AK5: variants seen among roughly 807,000 people sequenced by gnomAD.
AK5 encodes the protein adenylate kinase isoenzyme 5.
In AK5, 27 loss-of-function variants were observed where a neutral mutation model predicts 69.5. The observed-to-expected ratio is 0.39, with a 90% CI of 0.29 to 0.54. The LOEUF (loss-of-function observed/expected upper bound fraction) is 0.54. AK5 is among the 20% of genes least tolerant of loss of function. The pLI is 0.71. For synonymous variants in AK5, 260 were observed against 244.4 expected, an observed-to-expected ratio of 1.06 and a Z score of -0.60; for missense variants, 531 against 700.4, an observed-to-expected ratio of 0.76 and a Z score of 2.73.
chr1:77,497,795 T>C (rs1439871404), intron 10 of AK5, among the ~76,000 whole-genome samples: 1 of 152,158 alleles, frequency 6.6e-6, no homozygotes, highest in Non-Finnish European at 1.5e-5. Flanking sequence ...TTGCCCAGGC[T>C]GGTTTTGAAC....
At chr1:77,366,497 G>C (rs1405011425) in intron 6 of AK5, among the ~76,000 whole-genome samples, 2 of 152,262 alleles carry the variant, frequency 1.3e-5, no homozygotes, top group East Asian at 3.9e-4. Flanking sequence ...GTGAGTGATA[G>C]ATCCAGAATT....
chr1:77,326,762 T>C (rs1570384227), intron 5 of AK5, among the ~76,000 whole-genome samples: 1 of 152,346 alleles, frequency 6.6e-6, no homozygotes, highest in East Asian at 1.9e-4. Flanking sequence ...AATCCAGTTG[T>C]CCAAAGTAGG....
chr1:77,539,307 A>G (rs911864514), intron 13 of AK5, among the ~76,000 whole-genome samples: 1 of 152,202 alleles, frequency 6.6e-6, no homozygotes, highest in Non-Finnish European at 1.5e-5. Flanking sequence ...CATCTCTTCA[A>G]CTTCCCCTGC....
chr1:77,428,755 C>A (rs59193795), intron 8 of AK5, among the ~76,000 whole-genome samples: 10,023 of 152,088 alleles, frequency 0.066, 487 homozygotes, highest in East Asian at 0.19. Flanking sequence ...CCTACCCCCT[C>A]CCCTCACCCC....
chr1:77,327,454 G>A (rs1660863799), intron 5 of AK5, among the ~76,000 whole-genome samples: 1 of 151,318 alleles, frequency 6.6e-6, no homozygotes, highest in African/African-American at 2.4e-5. Context: ...TTAACAACAT[G>A]CTGAAGAAAA....
chr1:77,467,717 C>A (rs2100688816), intron 8 of AK5, among the ~76,000 whole-genome samples: 1 of 152,282 alleles, frequency 6.6e-6, no homozygotes, highest in South Asian at 2.1e-4. Flanking sequence ...TGATTCCAGC[C>A]TATGAAATAT....
chr1:77,423,239 AAAG>A (rs938359885), intron 8 of AK5, among the ~76,000 whole-genome samples: 1 of 148,370 alleles, frequency 6.7e-6, no homozygotes, highest in Non-Finnish European at 1.5e-5. Flanking sequence ...AATAAAAAAA[AAAG>A]AAGAACTACT....
rs558492071 is a variant in AK5, at chr1:77,363,687, C to G, written c.891+23119C>G. 1.3e-4 allele frequency among the ~76,000 whole-genome samples: 20 copies of G among 152,244 alleles called. No individual in the cohort carries two copies. The South Asian group carries it at 3.1e-3, about 24-fold the overall frequency. On this transcript the variant is annotated intron_variant, in intron 6 of 13. Coordinates refer to ENST00000354567, the MANE Select transcript of AK5 (RefSeq NM_174858.3). The stretch of plus-strand genomic sequence containing the variant: ...TTAGAGGCCCCATGCACAATTCCAC[C>G]TCAGGGCCTTTTGCTGTTTCCCTCT...
At chr1:77,447,122 T>C (rs1264284352) in intron 8 of AK5, among the ~76,000 whole-genome samples, 1 of 152,252 alleles carries the variant, frequency 6.6e-6, no homozygotes, top group Non-Finnish European at 1.5e-5. Flanking sequence ...TAAAAATACT[T>C]GCCACAGTTG....
chr1:77,328,196 A>G (rs867511952), intron 5 of AK5, among the ~76,000 whole-genome samples: 2 of 152,192 alleles, frequency 1.3e-5, no homozygotes, highest in Non-Finnish European at 2.9e-5. Context: ...TCAACCTGGT[A>G]TATACTATTC....
intron 12 of AK5, among the ~76,000 whole-genome samples, chr1:77,531,334 G>A (rs1279161298): frequency 1.3e-5 from 2 of 152,224 alleles, no homozygotes; most frequent in Admixed American, 6.5e-5. Context: ...TGCCACTGCA[G>A]GCTAGGATCT....
chr1:77,535,793 G>T, intron 12 of AK5, 54 bp from the exon 13 acceptor site: 1 of 1,538,458 alleles, frequency 6.5e-7, no homozygotes, highest in South Asian at 1.2e-5. Context: ...GGCCTTTCCA[G>T]AACATCAGCA....
Position 77,282,097 on chromosome 1 carries a change from C to T in AK5, c.-217C>T. 2 of 416,974 alleles carry T rather than the reference C, an allele frequency of 4.8e-6. No homozygotes were observed. Among genetic ancestry groups the T allele is most frequent in the South Asian group, 6.4e-5 (1 of 15,520 alleles). The allele number at this position is 416,974 out of a possible 1,614,324, so 25.8% of individuals were successfully genotyped here. A position where few individuals can be genotyped will look rare whatever the true frequency, so the allele number is the denominator to read the frequency against. On this transcript the variant is annotated 5_prime_UTR_variant, in exon 1 of 14. Transcript: ENST00000354567. ...TGCAGCTCCGGCTCGGGGGCTGGAA[C>T]CGAAGCGGGGGCGGCGGGAGCGCGG...
At chr1:77,283,442 GT>G (rs1397447382) in intron 1 of AK5, 1 of 985,290 alleles carries the variant, frequency 1.0e-6, no homozygotes, top group Non-Finnish European at 1.2e-6. Flanking sequence ...TTTCCCCCCG[GT>G]TTGGGGGATT....
intron 8 of AK5, among the ~76,000 whole-genome samples, chr1:77,480,119 AGTGTGTGT>A (rs10618389): frequency 0.5 from 74,868 of 149,700 alleles, 18,964 homozygotes; most frequent in South Asian, 0.69. Flanking sequence ...ATTCACCCCG[AGTGTGTGT>A]GTGTGTGTGT....
At chr1:77,365,392 C>T (rs1646932911) in intron 6 of AK5, among the ~76,000 whole-genome samples, 1 of 152,214 alleles carries the variant, frequency 6.6e-6, no homozygotes, top group African/African-American at 2.4e-5. Flanking sequence ...CTCAGTGCAG[C>T]CTCAAACTCC....
chr1:77,558,751 C>A lies in AK5; in HGVS notation c.*81C>A. On this transcript the variant is annotated 3_prime_UTR_variant, in exon 14 of 14. Coordinates refer to ENST00000354567, the MANE Select transcript of AK5 (RefSeq NM_174858.3). ...CCTTAACACAATGTTTCAAGTTAAACCTTTTGTGTCACCGCCCCCACCAAC... is the reference window on the plus strand; with the variant it reads ...CCTTAACACAATGTTTCAAGTTAAAACTTTTGTGTCACCGCCCCCACCAAC... The A allele has an allele frequency of 9.6e-7, 1 of 1,042,312 alleles. No individual in the cohort carries two copies. Among genetic ancestry groups the A allele is most frequent in the South Asian group, 1.3e-5 (1 of 74,692 alleles). The allele number at this position is 1,042,312 out of a possible 1,614,324, so 64.6% of individuals were successfully genotyped here.
intron 12 of AK5, among the ~76,000 whole-genome samples, chr1:77,533,522 A>AAAAAC (rs1553161653): frequency 1.6e-4 from 23 of 147,972 alleles, no homozygotes; most frequent in African/African-American, 5.5e-4. Flanking sequence ...AAAAAAAAAA[A>AAAAAC]AAAAAAAAAA....
chr1:77,370,454 G>T (rs1647099005), intron 6 of AK5, among the ~76,000 whole-genome samples: 1 of 152,010 alleles, frequency 6.6e-6, no homozygotes, highest in East Asian at 1.9e-4. Context: ...GACTTGGGGG[G>T]ACTTGGATCA....
Sources: allele counts gnomAD v4.1 joint callset (sites outside exome capture counted in the v4.1 genomes callset), GRCh38; gene constraint gnomAD v4.1.1; transcripts MANE v1.5; gene names NCBI Gene and HGNC (gene_info 2026-07-23, HGNC 2026-07-21).